CDCA2: variants seen among roughly 807,000 people sequenced by gnomAD.
The protein encoded by CDCA2 is cell division cycle associated 2, also known as cell division cycle-associated protein 2.
CDCA2 carries 44 observed loss-of-function variants against 67.0 expected under a neutral mutation model. The ratio of observed to expected loss-of-function variants is 0.66; its 90% CI spans 0.52 to 0.84. The LOEUF (loss-of-function observed/expected upper bound fraction) is 0.84, where lower values mean the gene tolerates loss of function less well. Among genes scored for constraint, CDCA2 ranks in the 40% least tolerant of loss-of-function variants. CDCA2 has a pLI of 0.00. For missense variants in CDCA2, 1,253 were observed against 1,203.2 expected, an observed-to-expected ratio of 1.04 and a Z score of -0.61; for synonymous variants, 447 against 418.7, an observed-to-expected ratio of 1.07 and a Z score of -0.82.
chr8:25,489,741 C>G (rs1165856593), intron 13 of CDCA2, among the ~76,000 whole-genome samples: 3 of 152,178 alleles, frequency 2.0e-5, no homozygotes, highest in African/African-American at 4.8e-5. Flanking sequence ...TTTCTGTCCC[C>G]CATTGTTAAA....
intron 7 of CDCA2, among the ~76,000 whole-genome samples, chr8:25,475,883 C>A (rs1026044014): frequency 6.6e-6 from 1 of 152,166 alleles, no homozygotes; most frequent in Non-Finnish European, 1.5e-5. Context: ...TGCCAGTACT[C>A]CCAGTGTTTC....
intron 5 of CDCA2, among the ~76,000 whole-genome samples, chr8:25,467,061 AAAAAACAC>A (rs1327744536): frequency 3.5e-5 from 5 of 141,516 alleles, no homozygotes; most frequent in African/African-American, 1.1e-4. Flanking sequence ...AAAAAAAAAA[AAAAAACAC>A]ACACACACAC....
In CDCA2 at chr8:25,488,663, AAG is replaced by A. The variant is rs756776744; in HGVS notation, c.1650_1651del (p.Arg550SerfsTer4). ...GAAGTCTCAAGAAACAAAGTGTACA[AAG>A]AGAGCACTTCCTAAGAAGAGTCAGG... ...RRKSQETKCTKRALPKKSQVL... is the reference protein window; with the variant it reads ...RRKSQETKCTXRALPKKSQVL... On this transcript the variant is annotated frameshift_variant, in exon 13 of 15. Transcript: ENST00000330560. LOFTEE classifies it high-confidence loss of function. The A allele has an allele frequency of 1.9e-6, 3 of 1,610,986 alleles. No individual in the cohort carries two copies. Among genetic ancestry groups the A allele is most frequent in the South Asian group, 1.1e-5 (1 of 90,494 alleles).
chr8:25,497,809 A>G (rs377527002), intron 13 of CDCA2, among the ~76,000 whole-genome samples: 13 of 152,292 alleles, frequency 8.5e-5, no homozygotes, highest in African/African-American at 3.1e-4. Flanking sequence ...CCACCATGCT[A>G]TATGCAATTT....
At chr8:25,478,736 A>G (rs757184474) in intron 7 of CDCA2, among the ~76,000 whole-genome samples, 4 of 151,900 alleles carry the variant, frequency 2.6e-5, no homozygotes, top group African/African-American at 4.8e-5. Context: ...CCCTAGATCT[A>G]TGTGTGGTTC....
At chr8:25,497,747 GAT>G (rs1804292231) in intron 13 of CDCA2, among the ~76,000 whole-genome samples, 1 of 152,048 alleles carries the variant, frequency 6.6e-6, no homozygotes, top group Non-Finnish European at 1.5e-5. Context: ...TGAAGTGGTG[GAT>G]ATGTTAGTTT....
intron 7 of CDCA2, among the ~76,000 whole-genome samples, chr8:25,475,084 G>T (rs4872315): frequency 0.56 from 84,403 of 152,008 alleles, 24,710 homozygotes; most frequent in Middle Eastern, 0.66. Flanking sequence ...ACCTTTCATG[G>T]GTAATTGCTG....
intron 10 of CDCA2, among the ~76,000 whole-genome samples, chr8:25,485,206 TAATAAAGAA>T: frequency 7.1e-6 from 1 of 141,552 alleles, no homozygotes; most frequent in East Asian, 2.9e-4. Flanking sequence ...ATAATAATAA[TAATAAAGAA>T]AAAGCATTTA....
In CDCA2 at chr8:25,507,716, A is replaced by T. The variant is rs766832080; in HGVS notation, c.3050A>T (p.His1017Leu). Residue 1017 changes from histidine to leucine, a missense_variant, in exon 15 of 15, where the codon CAT (histidine) becomes CTT (leucine). Physicochemically the swap from His to Leu is moderately conservative, Grantham distance 99. Coordinates refer to ENST00000330560, the MANE Select transcript of CDCA2 (RefSeq NM_152562.4). Reference protein sequence around the residue: ...SSLTALERIEHNGERKQ With the variant: ...SSLTALERIELNGERKQ The stretch of plus-strand genomic sequence containing the variant: ...CTGACTGCCTTGGAAAGGATTGAAC[A>T]TAATGGAGAAAGAAAGCAGTAATTG... 1.2e-6 allele frequency: 2 copies of T among 1,610,314 alleles called. No homozygotes were observed. Among genetic ancestry groups the T allele is most frequent in the Non-Finnish European group, 1.7e-6 (2 of 1,179,076 alleles).
rs1164424685 is a variant in CDCA2 at position 25,507,181 on chromosome 8, G to A, written c.2515G>A (p.Gly839Ser). The change falls in exon 15 of 15, where the codon GGT becomes AGT. Residue 839 changes from glycine (G) to serine (S), a missense_variant. Coordinates refer to ENST00000330560, the MANE Select transcript of CDCA2 (RefSeq NM_152562.4). ...AAGACGTTCCATGTGTTATTCTGAT[G>A]GTCGAAGTTTACATTTGGAAAAAAA... ...DRRRSMCYSD[G>S]RSLHLEKNGN... 1.2e-6 allele frequency: 2 copies of A among 1,614,150 alleles called. No homozygotes were observed. The highest frequency in any genetic ancestry group is 1.7e-5 in the Admixed American group (1 of 60,008).
intron 13 of CDCA2, among the ~76,000 whole-genome samples, chr8:25,490,589 G>A (rs1387087320): frequency 1.3e-5 from 2 of 152,134 alleles, no homozygotes; most frequent in African/African-American, 4.8e-5. Context: ...TGGCAGGTAC[G>A]ATGGATGGTG....
Position 25,507,069 on chromosome 8 carries a change from G to A in CDCA2, c.2403G>A (p.Thr801=), listed in dbSNP as rs749221232. 8.7e-6 allele frequency: 14 copies of A among 1,613,960 alleles called. No individual in the cohort carries two copies. The highest frequency in any genetic ancestry group is 3.3e-5 in the Admixed American group (2 of 59,980). Residue 801 remains threonine, a synonymous_variant, in exon 15 of 15, where the codon ACG becomes ACA. Transcript: ENST00000330560. ...HCLGDVLIEN[T]KESKSQSEDL... ...TAGGAGATGTCTTAATTGAAAATAC[G>A]AAAGAATCTAAAAGCCAGAGTGAGG...
chr8:25,498,451 G>GCCCCCCCCCCCCCCC (rs1416959712), intron 13 of CDCA2, among the ~76,000 whole-genome samples: 4 of 62,026 alleles, frequency 6.4e-5, no homozygotes, highest in Non-Finnish European at 7.3e-5. Flanking sequence ...CAGGTAATCT[G>GCCCCCCCCCCCCCCC]CACCCCCCCC....
chr8:25,468,186 G>C (rs1294721843), intron 5 of CDCA2, 31 bp from the exon 6 acceptor site: 3 of 1,328,136 alleles, frequency 2.3e-6, no homozygotes, highest in Non-Finnish European at 3.1e-6. Context: ...ATTTATGCCT[G>C]TGTCGTTTTG....
chr8:25,463,768 C>T (rs1802793672), intron 4 of CDCA2, among the ~76,000 whole-genome samples: 1 of 152,160 alleles, frequency 6.6e-6, no homozygotes, highest in Non-Finnish European at 1.5e-5. Context: ...CCATGGCTTC[C>T]TGCGATCCCT....
At chr8:25,473,485 A>G (rs1803236730) in intron 7 of CDCA2, among the ~76,000 whole-genome samples, 1 of 152,192 alleles carries the variant, frequency 6.6e-6, no homozygotes, top group Non-Finnish European at 1.5e-5. Context: ...TAATCAGTAC[A>G]TGTGCATCAT....
At chr8:25,488,783 T>C in intron 13 of CDCA2, 94 bp downstream of exon 13, 1 of 1,303,090 alleles carries the variant, frequency 7.7e-7, no homozygotes, top group Non-Finnish European at 1.0e-6. Flanking sequence ...TTTTTCCAGT[T>C]GACTTTGGAC....
rs999761966 is a variant in CDCA2, at chr8:25,487,274, C to T, written c.1473C>T (p.Asn491=). The part of the protein sequence containing the change: ...SGTDTFSSSN[N]HEKISSPKVG... ...CTGATACCTTTAGTTCTTCAAATAA[C>T]CATGAGAAAATATCCTCTCCTAAAG... Residue 491 remains asparagine, a synonymous_variant, in exon 12 of 15, where the codon AAC becomes AAT. Transcript: ENST00000330560. 6.2e-7 allele frequency: 1 copy of T among 1,611,360 alleles called. No homozygotes were observed. The highest frequency in any genetic ancestry group is 1.3e-5 in the African/African-American group (1 of 74,820).
At position 25,507,051 on chromosome 8, in the gene CDCA2, T is replaced by C. The variant is rs1804710142; in HGVS notation, c.2385T>C (p.Asp795=). Residue 795 remains aspartate, a synonymous_variant, in exon 15 of 15, where the codon GAT becomes GAC. Transcript: ENST00000330560. The part of the protein sequence containing the change: ...NSQKDCHCLG[D]VLIENTKESK... ...AAAAAGACTGTCATTGTTTAGGAGATGTCTTAATTGAAAATACGAAAGAAT... is the reference window on the plus strand; with the variant it reads ...AAAAAGACTGTCATTGTTTAGGAGACGTCTTAATTGAAAATACGAAAGAAT... 1 of 1,613,858 alleles carries C rather than the reference T, an allele frequency of 6.2e-7. No homozygotes were observed. Among genetic ancestry groups the C allele is most frequent in the Non-Finnish European group, 8.5e-7 (1 of 1,179,976 alleles).
Sources: gnomAD v4.1 joint callset for allele counts (sites outside exome capture counted in the v4.1 genomes callset) on GRCh38, gnomAD v4.1.1 for gene constraint, MANE v1.5 for transcripts, NCBI Gene and HGNC (gene_info 2026-07-23, HGNC 2026-07-21) for gene names.